The following CCDC60 variants were observed in gnomAD, a reference collection of about 807,000 sequenced individuals.
CCDC60 encodes coiled-coil domain-containing protein 60.
Under a neutral mutation model 63.5 loss-of-function variants are expected in CCDC60, and 54 were observed. That is an observed-to-expected ratio of 0.85 (90% CI 0.68 to 1.07). The LOEUF (loss-of-function observed/expected upper bound fraction) is 1.07. CCDC60 is among the 50% of genes least tolerant of loss of function. The pLI, the probability that CCDC60 is intolerant of heterozygous loss-of-function variation, is 0.00. For synonymous variants in CCDC60, 206 were observed against 238.8 expected, an observed-to-expected ratio of 0.86 and a Z score of 1.27; for missense variants, 651 against 684.3, an observed-to-expected ratio of 0.95 and a Z score of 0.54.
intron 1 of CCDC60, among the ~76,000 whole-genome samples, chr12:119,396,664 G>A (rs1232437722): frequency 2.0e-5 from 3 of 152,192 alleles, no homozygotes; most frequent in Admixed American, 1.3e-4. Flanking sequence ...AGGATCACTT[G>A]AGGTCAAGAG....
chr12:119,520,280 T>C (rs1454342748), intron 9 of CCDC60, 88 bp downstream of exon 9: 19 of 1,113,062 alleles, frequency 1.7e-5, no homozygotes, highest in Non-Finnish European at 9.2e-6. Context: ...CCCCAGACCA[T>C]GGAAAGTGGG....
chr12:119,416,702 A>T (rs986577330), intron 1 of CCDC60, among the ~76,000 whole-genome samples: 4 of 152,186 alleles, frequency 2.6e-5, no homozygotes, highest in Non-Finnish European at 5.9e-5. Context: ...AGAACAGATA[A>T]ATTGCATGGC....
chr12:119,519,876 GTA>G (rs71900111), intron 8 of CCDC60, among the ~76,000 whole-genome samples: 25,550 of 146,456 alleles, frequency 0.17, 2,502 homozygotes, highest in African/African-American at 0.29. Flanking sequence ...GTGTGTGTGT[GTA>G]TACCTGTGTG....
At chr12:119,454,304 C>T (rs927569705) in intron 2 of CCDC60, among the ~76,000 whole-genome samples, 4 of 152,176 alleles carry the variant, frequency 2.6e-5, no homozygotes, top group Non-Finnish European at 5.9e-5. Flanking sequence ...ATAGTACTTA[C>T]TTCATAGGAT....
chr12:119,455,263 A>G (rs1362581572), intron 2 of CCDC60, among the ~76,000 whole-genome samples: 1 of 152,216 alleles, frequency 6.6e-6, no homozygotes, highest in Non-Finnish European at 1.5e-5. Flanking sequence ...AGCAATAGAG[A>G]GAAGTAGGGA....
chr12:119,357,458 C>T (rs1955729337), intron 1 of CCDC60, among the ~76,000 whole-genome samples: 1 of 146,438 alleles, frequency 6.8e-6, no homozygotes, highest in East Asian at 2.0e-4. Context: ...ATGAGATCAG[C>T]TTTTTTTTTT....
chr12:119,351,003 C>G (rs1955650951), intron 1 of CCDC60, among the ~76,000 whole-genome samples: 1 of 152,222 alleles, frequency 6.6e-6, no homozygotes, highest in Non-Finnish European at 1.5e-5. Context: ...CAGCCTGCGT[C>G]TGTTCTCTGG....
chr12:119,414,651 A>T (rs1956668459), intron 1 of CCDC60, among the ~76,000 whole-genome samples: 1 of 152,128 alleles, frequency 6.6e-6, no homozygotes, highest in East Asian at 1.9e-4. Context: ...CTCGAGCTTA[A>T]GTGATCCTCC....
intron 5 of CCDC60, among the ~76,000 whole-genome samples, chr12:119,497,042 C>A (rs1951729654): frequency 1.3e-5 from 2 of 152,300 alleles, no homozygotes; most frequent in South Asian, 4.2e-4. Flanking sequence ...GGGACTCATG[C>A]TGATAGAAGC....
At chr12:119,507,959 G>C (rs1006914726) in intron 7 of CCDC60, among the ~76,000 whole-genome samples, 1 of 151,954 alleles carries the variant, frequency 6.6e-6, no homozygotes, top group African/African-American at 2.4e-5. Context: ...CTTGAGTCCA[G>C]GAATTTGAGA....
chr12:119,405,813 CT>C (rs1449950720), intron 1 of CCDC60, among the ~76,000 whole-genome samples: 1 of 152,196 alleles, frequency 6.6e-6, no homozygotes, highest in Non-Finnish European at 1.5e-5. Context: ...CTCCCCACCC[CT>C]AACTCCCACC....
rs867497893 is a variant in CCDC60, at chr12:119,502,185, G to A, written c.648+2017G>A. 2.0e-4 allele frequency among the ~76,000 whole-genome samples: 30 copies of A among 152,304 alleles called. 1 individual carries two copies. The highest frequency in any genetic ancestry group is 7.0e-4 in the African/African-American group (29 of 41,556). On this transcript the variant is annotated intron_variant, in intron 6 of 13. Transcript: ENST00000327554. Reference sequence around the variant, plus strand: ...TGCACAGCTAAAGGGAAGAACCTCTGTGCAGCTTTAGCTCATTTTGCCTTG... The same window carrying A: ...TGCACAGCTAAAGGGAAGAACCTCTATGCAGCTTTAGCTCATTTTGCCTTG...
chr12:119,427,355 AT>A (rs1184956122), intron 1 of CCDC60, among the ~76,000 whole-genome samples: 2 of 152,268 alleles, frequency 1.3e-5, no homozygotes, highest in African/African-American at 4.8e-5. Flanking sequence ...ACTCAAAAAA[AT>A]CAAACATCTT....
intron 1 of CCDC60, 126 bp from the exon 2 acceptor site, chr12:119,428,557 T>C: frequency 1.6e-6 from 1 of 628,782 alleles, no homozygotes; most frequent in South Asian, 2.0e-5. Context: ...GTAGACTCTG[T>C]GCTGCCCAGG....
chr12:119,443,565 T>A (rs1484989000), intron 2 of CCDC60, among the ~76,000 whole-genome samples: 1 of 152,116 alleles, frequency 6.6e-6, no homozygotes, highest in Non-Finnish European at 1.5e-5. Context: ...GAGTTCAAAG[T>A]CATGATAATA....
chr12:119,395,498 T>C (rs1361960932), intron 1 of CCDC60, among the ~76,000 whole-genome samples: 1 of 152,104 alleles, frequency 6.6e-6, no homozygotes, highest in Non-Finnish European at 1.5e-5. Flanking sequence ...GACCAGATCT[T>C]GTGGTAACTC....
chr12:119,538,700 A>C (rs1953077471), intron 13 of CCDC60, among the ~76,000 whole-genome samples: 1 of 152,142 alleles, frequency 6.6e-6, no homozygotes, highest in African/African-American at 2.4e-5. Context: ...TCAATTTGTC[A>C]AACTCATTCT....
At chr12:119,401,564 G>A (rs957056394) in intron 1 of CCDC60, among the ~76,000 whole-genome samples, 1 of 152,220 alleles carries the variant, frequency 6.6e-6, no homozygotes, top group Non-Finnish European at 1.5e-5. Context: ...GCCTATGGAT[G>A]TCCAGATGTC....
intron 11 of CCDC60, among the ~76,000 whole-genome samples, chr12:119,525,778 GA>G (rs1457820641): frequency 6.6e-6 from 1 of 152,006 alleles, no homozygotes; most frequent in Non-Finnish European, 1.5e-5. Flanking sequence ...CAAACAAATG[GA>G]AAAACATCCC....
Sources: gnomAD v4.1 joint callset for allele counts (sites outside exome capture counted in the v4.1 genomes callset) on GRCh38, gnomAD v4.1.1 for gene constraint, MANE v1.5 for transcripts, NCBI Gene and HGNC (gene_info 2026-07-23, HGNC 2026-07-21) for gene names.